Variants in DIO1 observed in about 807,000 individuals in gnomAD.
The protein encoded by DIO1 is iodothyronine deiodinase 1.
A neutral mutation model predicts 25.9 loss-of-function variants in DIO1; 17 were observed. That is an observed-to-expected ratio of 0.66 (90% CI 0.45 to 0.98). DIO1 has a LOEUF of 0.98. DIO1 is among the 50% of genes least tolerant of loss of function. The probability of loss-of-function intolerance (pLI) is 0.00; values close to 1 mark genes in which losing one functional copy is unlikely to be tolerated. For missense variants in DIO1, 270 were observed against 310.4 expected, an observed-to-expected ratio of 0.87 and a Z score of 0.98; for synonymous variants, 115 against 114.0, an observed-to-expected ratio of 1.01 and a Z score of -0.05.
intron 2 of DIO1, 97 bp from the exon 3 acceptor site, chr1:53,905,998 C>T (rs1651635417): frequency 8.8e-7 from 1 of 1,133,568 alleles, no homozygotes; most frequent in South Asian, 1.4e-5. Context: ...TTGCCAAGGG[C>T]TCCTCTGAGA....
chr1:53,904,451 C>T (rs2100774776), intron 1 of DIO1, among the ~76,000 whole-genome samples: 1 of 152,192 alleles, frequency 6.6e-6, no homozygotes, highest in African/African-American at 2.4e-5. Context: ...ACTGAGACCA[C>T]CTAAAAAAAC....
At chr1:53,896,275 G>C (rs1651075749) in intron 1 of DIO1, among the ~76,000 whole-genome samples, 1 of 145,708 alleles carries the variant, frequency 6.9e-6, no homozygotes, top group Non-Finnish European at 1.5e-5. Flanking sequence ...TGGAGTGTAG[G>C]GGTATGATCA....
chr1:53,904,869 C>T (rs1651569153), intron 2 of DIO1, 60 bp downstream of exon 2: 2 of 1,544,290 alleles, frequency 1.3e-6, no homozygotes, highest in African/African-American at 1.4e-5. Flanking sequence ...TCTCCCTTTT[C>T]CCCAGGCCCC....
chr1:53,905,781 C>T (rs1179043877), intron 2 of DIO1, among the ~76,000 whole-genome samples: 1 of 152,170 alleles, frequency 6.6e-6, no homozygotes, highest in African/African-American at 2.4e-5. Flanking sequence ...GTTCCACCTT[C>T]GACAGACCGA....
chr1:53,897,495 T>TAAAATATAAAATAAA (rs1553157664), intron 1 of DIO1, among the ~76,000 whole-genome samples: 3 of 151,254 alleles, frequency 2.0e-5, no homozygotes, highest in African/African-American at 4.9e-5. Context: ...TAAAATAAAA[T>TAAAATATAAAATAAA]ATAAAATAAA....
At chr1:53,905,067 C>T (rs766602018) in intron 2 of DIO1, among the ~76,000 whole-genome samples, 8 of 151,758 alleles carry the variant, frequency 5.3e-5, no homozygotes, top group Non-Finnish European at 8.8e-5. Flanking sequence ...ACATTTTGAT[C>T]GGATAAATAG....
Position 53,904,853 on chromosome 1 carries a change from T to C in DIO1, c.481+44T>C, listed in dbSNP as rs1241100835. On this transcript the variant is annotated intron_variant, in intron 2 of 3. Transcript: ENST00000361921. Reference sequence around the variant, plus strand: ...CCTCTTCTACCTCTTCCCACTGTCTTTTCTCTCTCCCTTTTCCCCAGGCCC... The same window carrying C: ...CCTCTTCTACCTCTTCCCACTGTCTCTTCTCTCTCCCTTTTCCCCAGGCCC... The C allele has an allele frequency of 3.2e-6, 5 of 1,580,810 alleles. No homozygotes were observed. In the East Asian group the frequency reaches 1.1e-4, roughly 36 times the overall value.
intron 3 of DIO1, among the ~76,000 whole-genome samples, chr1:53,908,343 C>T (rs1651768786): frequency 6.6e-6 from 1 of 152,182 alleles, no homozygotes; most frequent in Non-Finnish European, 1.5e-5. Flanking sequence ...GACTCCAGAG[C>T]AGGGGTCAGC....
chr1:53,894,516 A>T lies in DIO1; in HGVS notation c.306A>T (p.Gly102=). Residue 102 remains glycine (G), a synonymous_variant, in exon 1 of 4, where the codon GGA becomes GGT. Transcript: ENST00000361921. The surrounding 1 kb of genome is among the most constrained non-coding windows in gnomAD (Gnocchi z 4.9). The part of the protein sequence containing the change: ...APNCPVVRLS[G]QRCNIWEFMQ... The stretch of plus-strand genomic sequence containing the variant: ...ACTGCCCGGTGGTCCGCCTCTCAGG[A>T]CAGAGGTGCAACATTTGGGAGTTTA... 6.2e-7 allele frequency: 1 copy of T among 1,614,148 alleles called. No homozygotes were observed. Among genetic ancestry groups the T allele is most frequent in the Non-Finnish European group, 8.5e-7 (1 of 1,180,002 alleles).
In DIO1 at chr1:53,896,210, CTTT is replaced by C. The variant is rs199555423; in HGVS notation, c.337+1686_337+1688del. Among the ~76,000 whole-genome samples the C allele has an allele frequency of 2.5e-3, 255 of 103,522 alleles. 1 individual carries two copies. Among genetic ancestry groups the C allele is most frequent in the African/African-American group, 5.9e-3 (147 of 25,116 alleles). 67.9% of individuals were successfully genotyped at this position (103,522 alleles called of 152,430 possible). ...GTGTTTTTCTTGTTTTTCTTTTTCT[CTTT>C]TTTTTTTTTTTTTTTTTTTTTTGAG... On this transcript the variant is annotated intron_variant, in intron 1 of 3. Coordinates refer to ENST00000361921, the MANE Select transcript of DIO1 (RefSeq NM_000792.7).
intron 1 of DIO1, among the ~76,000 whole-genome samples, chr1:53,896,584 G>C (rs1356710998): frequency 6.6e-6 from 1 of 152,170 alleles, no homozygotes; most frequent in Non-Finnish European, 1.5e-5. Flanking sequence ...ACTATGTAGT[G>C]TTGCCTGGTC....
chr1:53,899,670 T>C (rs1362161112), intron 1 of DIO1, among the ~76,000 whole-genome samples: 1 of 152,196 alleles, frequency 6.6e-6, no homozygotes, highest in African/African-American at 2.4e-5. Flanking sequence ...ATAAGTCTTT[T>C]GGGTTCTTTA....
chr1:53,899,675 T>C (rs1420240319), intron 1 of DIO1, among the ~76,000 whole-genome samples: 1 of 152,188 alleles, frequency 6.6e-6, no homozygotes, highest in Admixed American at 6.5e-5. Context: ...TCTTTTGGGT[T>C]CTTTATTTTT....
In DIO1 at chr1:53,909,956, A is replaced by G. The variant is rs1249908481; in HGVS notation, c.707A>G (p.Asn236Ser). Residue 236 changes from asparagine to serine, a missense_variant, in exon 4 of 4, where the codon AAC becomes AGC. Asn to Ser is a conservative substitution (Grantham distance 46, BLOSUM62 1). Transcript: ENST00000361921. ...GGTAAATCTGGCCCTTGGAACTACA[A>G]CCCAGAGGAAGTTCGTGCTGTTCTG... ...YKGKSGPWNY[N>S]PEEVRAVLEK... 6.2e-7 allele frequency: 1 copy of G among 1,614,144 alleles called. No individual in the cohort carries two copies.
intron 1 of DIO1, among the ~76,000 whole-genome samples, chr1:53,896,210 CTTTTTT>C (rs199555423): frequency 0.014 from 1,492 of 103,522 alleles, 19 homozygotes; most frequent in African/African-American, 0.055. Flanking sequence ...TTCTTTTTCT[CTTTTTT>C]TTTTTTTTTT....
At position 53,907,905 on chromosome 1, in the gene DIO1, C is replaced by G. The variant is rs901237532; in HGVS notation, c.681+1611C>G. On this transcript the variant is annotated intron_variant, in intron 3 of 3. Coordinates refer to ENST00000361921, the MANE Select transcript of DIO1 (RefSeq NM_000792.7). The stretch of plus-strand genomic sequence containing the variant: ...CAGCCTGAGCAACAAGAGTGAAACT[C>G]TGTCTCGGAAAAAAAAAAAAAAAAA... 1.5e-4 allele frequency among the ~76,000 whole-genome samples: 15 copies of G among 101,000 alleles called. No individual in the cohort carries two copies. The Admixed American group carries it at 1.6e-3, about 11-fold the overall frequency. The allele number at this position is 101,000 out of a possible 152,430, so 66.3% of individuals were successfully genotyped here. A position where few individuals can be genotyped will look rare whatever the true frequency, so the allele number is the denominator to read the frequency against.
Position 53,910,279 on chromosome 1 carries a change from A to T in DIO1, c.*280A>T, listed in dbSNP as rs1368616600. The T allele has an allele frequency of 2.4e-6, 1 of 421,612 alleles. No individual in the cohort carries two copies. The highest frequency in any genetic ancestry group is 3.5e-5 in the Admixed American group (1 of 28,950). 26.1% of individuals were successfully genotyped at this position (421,612 alleles called of 1,614,324 possible). A position where few individuals can be genotyped will look rare whatever the true frequency, so the allele number is the denominator to read the frequency against. ...CCTGTTGAAGAAAGTAGAGCCTGACACTGCTCCCACTTTGGAGACCACATT... is the reference window on the plus strand; with the variant it reads ...CCTGTTGAAGAAAGTAGAGCCTGACTCTGCTCCCACTTTGGAGACCACATT... On this transcript the variant is annotated 3_prime_UTR_variant, in exon 4 of 4. Coordinates refer to ENST00000361921, the MANE Select transcript of DIO1 (RefSeq NM_000792.7).
At chr1:53,908,512 C>T (rs554114489) in intron 3 of DIO1, among the ~76,000 whole-genome samples, 10 of 152,294 alleles carry the variant, frequency 6.6e-5, no homozygotes, top group African/African-American at 2.2e-4. Context: ...GGCTCTCAGA[C>T]TGTAAGTTTT....
At chr1:53,902,575 A>G (rs1047320090) in intron 1 of DIO1, among the ~76,000 whole-genome samples, 2 of 151,822 alleles carry the variant, frequency 1.3e-5, no homozygotes, top group Non-Finnish European at 2.9e-5. Context: ...GTATGTGGAC[A>G]CTTAAACAGG....
Sources: gnomAD v4.1 joint callset for allele counts (sites outside exome capture counted in the v4.1 genomes callset) on GRCh38, gnomAD v4.1.1 for gene constraint, Gnocchi (gnomAD v3.1) non-coding constraint, MANE v1.5 for transcripts, NCBI Gene and HGNC (gene_info 2026-07-23, HGNC 2026-07-21) for gene names.